Variants in RFPL1 observed in about 807,000 individuals in gnomAD.
RFPL1 encodes the protein ret finger protein like 1, also known as ret finger protein-like 1.
RFPL1 carries 6 observed loss-of-function variants against 9.6 expected under a neutral mutation model. The observed-to-expected ratio is 0.62, with a 90% CI of 0.34 to 1.23. The LOEUF is 1.23. Among genes scored for constraint, RFPL1 ranks in the 50% most tolerant of loss-of-function variants. The pLI is 0.03. For synonymous variants in RFPL1, 145 were observed against 149.4 expected (o/e 0.97, Z 0.22); for missense variants, 352 against 398.4 (o/e 0.88, Z 0.99).
At chr22:29,395,209 G>A in the RFPL1 span, among the ~76,000 whole-genome samples, 3 of 152,144 alleles carry the variant, frequency 2.0e-5, no homozygotes, top group Non-Finnish European at 4.4e-5. Flanking sequence ...CACAGGGGCC[G>A]CTGTGCCTTT....
the RFPL1 span, among the ~76,000 whole-genome samples, chr22:29,389,415 G>A: frequency 2.0e-5 from 3 of 148,778 alleles, no homozygotes; most frequent in African/African-American, 7.4e-5. Context: ...GGCCGGGCAT[G>A]GTGGCTCACA....
upstream of RFPL1, chr22:29,438,506 CATCA>C: frequency 9.8e-7 from 1 of 1,015,894 alleles, no homozygotes; most frequent in South Asian, 2.2e-5. Flanking sequence ...TTCTTATGTT[CATCA>C]ATCAATCTCT....
In RFPL1 at chr22:29,442,011, GT is replaced by G. The variant is rs1307874168; in HGVS notation, c.849del (p.Phe283LeufsTer14). The G allele has an allele frequency of 6.2e-7, 1 of 1,614,018 alleles. No homozygotes were observed. The highest frequency in any genetic ancestry group is 2.2e-5 in the East Asian group (1 of 44,876). ...TCTCTGCTGAGGAGCCACTGCACTT[GT>G]TTTTTGCTCCTCCAAGTCCACCTAA... On this transcript the variant is annotated frameshift_variant, in exon 2 of 2. Transcript: ENST00000354373. LOFTEE classifies it low-confidence loss of function (END_TRUNC).
At chr22:29,432,455 T>G in the RFPL1 span, among the ~76,000 whole-genome samples, 3 of 152,198 alleles carry the variant, frequency 2.0e-5, no homozygotes, top group Non-Finnish European at 4.4e-5. Flanking sequence ...TTCAGCTCAA[T>G]TCCCCCTCCC....
the RFPL1 span, among the ~76,000 whole-genome samples, chr22:29,410,482 ATTG>A: frequency 4.0e-5 from 4 of 100,052 alleles, no homozygotes; most frequent in Admixed American, 1.1e-4. Flanking sequence ...AGATATATAT[ATTG>A]TAGATATATA....
At chr22:29,437,949 T>A, upstream of RFPL1, 1 of 429,834 alleles carries the variant, frequency 2.3e-6, no homozygotes, top group Non-Finnish European at 3.9e-6. Context: ...TGGAGAAGGA[T>A]GTGATTTTTT....
At chr22:29,415,784 C>T in the RFPL1 span, among the ~76,000 whole-genome samples, 6 of 152,318 alleles carry the variant, frequency 3.9e-5, no homozygotes, top group East Asian at 1.2e-3. Flanking sequence ...TCGTGATAGA[C>T]TGAGCAAGCA....
chr22:29,420,634 C>CTTTTTTTTTTTTTTTT, the RFPL1 span, among the ~76,000 whole-genome samples: 10 of 53,452 alleles, frequency 1.9e-4, 5 homozygotes, highest in South Asian at 1.3e-3. Context: ...TGGTTTTTTG[C>CTTTTTTTTTTTTTTTT]TTTTTTTTTT....
the RFPL1 span, among the ~76,000 whole-genome samples, chr22:29,432,221 C>T: frequency 3.3e-5 from 5 of 152,158 alleles, no homozygotes; most frequent in South Asian, 4.1e-4. Flanking sequence ...ACTCTCAGCG[C>T]GTCAAAGAGT....
chr22:29,394,666 T>C, the RFPL1 span, among the ~76,000 whole-genome samples: 7 of 152,322 alleles, frequency 4.6e-5, no homozygotes, highest in Non-Finnish European at 1.0e-4. Flanking sequence ...GGCCTCAGTT[T>C]CTCTTCTCTG....
At chr22:29,389,823 G>A in the RFPL1 span, among the ~76,000 whole-genome samples, 1 of 151,366 alleles carries the variant, frequency 6.6e-6, no homozygotes, top group African/African-American at 2.4e-5. Context: ...TTTTGAGACA[G>A]GGTCTCGCTC....
At chr22:29,435,154 A>T (rs1473417495), upstream of RFPL1, 1 of 152,228 alleles carries the variant, frequency 6.6e-6, no homozygotes, top group Non-Finnish European at 1.5e-5. Flanking sequence ...TTAATAAGAA[A>T]TTGCCTTTTA....
chr22:29,437,578 A>G, upstream of RFPL1: 2 of 1,552,220 alleles, frequency 1.3e-6, no homozygotes, highest in East Asian at 2.3e-5. Context: ...TTATAATTAA[A>G]TCAAAGCCTC....
the RFPL1 span, among the ~76,000 whole-genome samples, chr22:29,393,389 T>C: frequency 1.3e-5 from 2 of 152,086 alleles, no homozygotes; most frequent in Non-Finnish European, 2.9e-5. Flanking sequence ...AAAAATATAC[T>C]AGTAAGAGGA....
the RFPL1 span, among the ~76,000 whole-genome samples, chr22:29,424,150 A>G: frequency 6.6e-6 from 1 of 152,110 alleles, no homozygotes; most frequent in Non-Finnish European, 1.5e-5. Flanking sequence ...ACTGCACTTC[A>G]GCCTGGGAGA....
the RFPL1 span, among the ~76,000 whole-genome samples, chr22:29,395,488 C>T: frequency 2.5e-4 from 38 of 152,100 alleles, no homozygotes; most frequent in Non-Finnish European, 5.0e-4. Context: ...AGGCCTAGAG[C>T]TTGCCAGGGA....
At chr22:29,440,978 G>A (rs1342023388) in intron 1 of RFPL1, 5 of 153,106 alleles carry the variant, frequency 3.3e-5, no homozygotes, top group African/African-American at 9.6e-5. Context: ...TTCATCTAAG[G>A]CCCCCCTCTT....
the RFPL1 span, among the ~76,000 whole-genome samples, chr22:29,400,187 G>A: frequency 1.3e-5 from 2 of 151,760 alleles, no homozygotes; most frequent in African/African-American, 4.8e-5. Flanking sequence ...TAGTAGAGAC[G>A]GGGTTTCACT....
At chr22:29,394,928 T>C in the RFPL1 span, among the ~76,000 whole-genome samples, 2 of 152,256 alleles carry the variant, frequency 1.3e-5, no homozygotes, top group South Asian at 4.2e-4. Flanking sequence ...ACCTGCTTCA[T>C]GAGGTTTCAT....
Sources: allele counts gnomAD v4.1 joint callset (sites outside exome capture counted in the v4.1 genomes callset), GRCh38; gene constraint gnomAD v4.1.1; transcripts MANE v1.5; gene names NCBI Gene and HGNC (gene_info 2026-07-23, HGNC 2026-07-21).